The following CDK5RAP2 variants were observed in gnomAD, a reference collection of about 807,000 sequenced individuals.
CDK5RAP2 encodes CDK5 regulatory subunit associated protein 2, also known as CDK5 regulatory subunit-associated protein 2.
CDK5RAP2 carries 147 observed loss-of-function variants against 232.9 expected under a neutral mutation model. That is an observed-to-expected ratio of 0.63 (90% CI 0.55 to 0.72). The LOEUF (loss-of-function observed/expected upper bound fraction) is 0.72. Among genes scored for constraint, CDK5RAP2 ranks in the 30% least tolerant of loss-of-function variants. The pLI, the probability that CDK5RAP2 is intolerant of heterozygous loss-of-function variation, is 0.00. For synonymous variants in CDK5RAP2, 833 were observed against 833.7 expected, an observed-to-expected ratio of 1.00 and a Z score of 0.01; for missense variants, 2,195 against 2,231.5, an observed-to-expected ratio of 0.98 and a Z score of 0.33.
chr9:120,556,490 G>A (rs1017776922), intron 3 of CDK5RAP2, among the ~76,000 whole-genome samples: 1 of 151,268 alleles, frequency 6.6e-6, no homozygotes, highest in Non-Finnish European at 1.5e-5. Flanking sequence ...GTGCAGTGGT[G>A]CAATCTCAGC....
chr9:120,519,473 T>G (rs1053087066), intron 11 of CDK5RAP2, among the ~76,000 whole-genome samples: 2 of 151,602 alleles, frequency 1.3e-5, no homozygotes, highest in Non-Finnish European at 1.5e-5. Context: ...ACAAATAGAT[T>G]CGGGTATATG....
chr9:120,413,636 G>T (rs1246747439), intron 28 of CDK5RAP2, among the ~76,000 whole-genome samples: 1 of 152,228 alleles, frequency 6.6e-6, no homozygotes, highest in African/African-American at 2.4e-5. Flanking sequence ...TCTATAATTG[G>T]ATTTGCCAGG....
At chr9:120,543,726 C>CACATGCCTGTAATCCCAGCT in intron 5 of CDK5RAP2, among the ~76,000 whole-genome samples, 1 of 152,152 alleles carries the variant, frequency 6.6e-6, no homozygotes, top group South Asian at 2.1e-4. Flanking sequence ...AGCATGGCGG[C>CACATGCCTGTAATCCCAGCT]ACATGCCTGT....
rs1406450608 is a variant in CDK5RAP2, at chr9:120,572,056, A to G, written c.60-15T>C. On this transcript the variant is annotated splice_polypyrimidine_tract_variant and intron_variant, in intron 1 of 37. Transcript: ENST00000349780. ...GAACAAGGCCACTAGGAGAGAACACATGAGATAAGAGATGAGCTAATGTTT... is the reference window on the plus strand; with the variant it reads ...GAACAAGGCCACTAGGAGAGAACACGTGAGATAAGAGATGAGCTAATGTTT... 2 of 1,594,224 alleles carry G rather than the reference A, an allele frequency of 1.3e-6. No homozygotes were observed. Among genetic ancestry groups the G allele is most frequent in the Non-Finnish European group, 1.7e-6 (2 of 1,161,930 alleles).
At chr9:120,555,231 A>C (rs2042183743) in intron 3 of CDK5RAP2, among the ~76,000 whole-genome samples, 1 of 152,032 alleles carries the variant, frequency 6.6e-6, no homozygotes, top group East Asian at 1.9e-4. Flanking sequence ...TCCCCGGTTC[A>C]AGTGATTCTC....
chr9:120,570,172 G>A (rs1188221640), intron 2 of CDK5RAP2, among the ~76,000 whole-genome samples: 1 of 152,180 alleles, frequency 6.6e-6, no homozygotes, highest in Non-Finnish European at 1.5e-5. Flanking sequence ...GCAGAAAAGA[G>A]GCTAAGGAGT....
chr9:120,407,222 G>T lies in CDK5RAP2; in HGVS notation c.4753C>A (p.Gln1585Lys), dbSNP rs772613267. The change falls in exon 32 of 38, where the codon CAG (glutamine) becomes AAG (lysine). Residue 1585 changes from glutamine to lysine, a missense_variant. By Grantham distance (53) the Gln-to-Lys change is moderately conservative (BLOSUM62 1). Transcript: ENST00000349780. The part of the protein sequence containing the change: ...REASGEGWKG[Q>K]DPFRDLHSLL... The stretch of plus-strand genomic sequence containing the variant: ...CTGTGCAGGTCCCTGAAAGGATCCT[G>T]CCCCTTCCAGCCTTCTCCCGACGCC... 8 of 1,613,104 alleles carry T rather than the reference G, an allele frequency of 5.0e-6. No individual in the cohort carries two copies. In the East Asian group the frequency reaches 1.1e-4, roughly 22 times the overall value.
intron 18 of CDK5RAP2, among the ~76,000 whole-genome samples, chr9:120,463,779 G>A (rs180955372): frequency 8.9e-4 from 135 of 152,288 alleles, no homozygotes; most frequent in Non-Finnish European, 1.7e-3. Flanking sequence ...CTCTGCTGAC[G>A]TGGTCAAGAT....
chr9:120,458,397 T>C (rs2036901928), intron 20 of CDK5RAP2, 53 bp downstream of exon 20: 1 of 1,572,456 alleles, frequency 6.4e-7, no homozygotes, highest in African/African-American at 1.3e-5. Flanking sequence ...CAAAATGAGT[T>C]TGTTCTCCCC....
At chr9:120,408,982 A>T in intron 30 of CDK5RAP2, 145 bp downstream of exon 30, 1 of 749,452 alleles carries the variant, frequency 1.3e-6, no homozygotes, top group Non-Finnish European at 2.3e-6. Context: ...CATATGTTGT[A>T]GGCGCACCAG....
At chr9:120,520,675 C>A (rs1024645858) in intron 11 of CDK5RAP2, among the ~76,000 whole-genome samples, 2 of 151,100 alleles carry the variant, frequency 1.3e-5, no homozygotes, top group African/African-American at 2.4e-5. Context: ...TCTCATATAT[C>A]ACATATCATA....
At chr9:120,488,452 T>C (rs1482357639) in intron 13 of CDK5RAP2, among the ~76,000 whole-genome samples, 1 of 152,174 alleles carries the variant, frequency 6.6e-6, no homozygotes. Context: ...ACTACAGGCT[T>C]AAATGGAAAA....
intron 15 of CDK5RAP2, among the ~76,000 whole-genome samples, chr9:120,475,425 A>G (rs2037952383): frequency 6.6e-6 from 1 of 152,170 alleles, no homozygotes; most frequent in African/African-American, 2.4e-5. Context: ...GCCCCTCATG[A>G]AGCTGAGAAG....
chr9:120,446,110 T>A (rs761328983), intron 22 of CDK5RAP2, among the ~76,000 whole-genome samples: 1 of 152,324 alleles, frequency 6.6e-6, no homozygotes, highest in African/African-American at 2.4e-5. Flanking sequence ...AGAGTCTCTA[T>A]GGTAACTACT....
At chr9:120,532,561 C>T (rs2041200403) in intron 7 of CDK5RAP2, 2 of 152,360 alleles carry the variant, frequency 1.3e-5, no homozygotes, top group African/African-American at 2.4e-5. Flanking sequence ...TTTCTGCTAA[C>T]CATCTGACCT....
At chr9:120,457,206 T>C (rs1214002168) in intron 20 of CDK5RAP2, among the ~76,000 whole-genome samples, 1 of 152,130 alleles carries the variant, frequency 6.6e-6, no homozygotes, top group Non-Finnish European at 1.5e-5. Flanking sequence ...AGAGCAAAGA[T>C]GAGATTCCAG....
In CDK5RAP2 at chr9:120,469,950, C is replaced by T. The variant is rs1033601795; in HGVS notation, c.1968+161G>A. ...AGTTTATCAGACACGAGGGAAGGTA[C>T]TCCAGTTAACGGACACAGGAGGGGC... is the stretch of plus-strand genomic sequence containing the variant. On this transcript the variant is annotated intron_variant, in intron 17 of 37. Coordinates refer to ENST00000349780, the MANE Select transcript of CDK5RAP2 (RefSeq NM_018249.6). Among the ~76,000 whole-genome samples, 3 of 151,988 alleles carry T rather than the reference C, an allele frequency of 2.0e-5. No individual in the cohort carries two copies. The East Asian group carries it at 5.8e-4, about 29-fold the overall frequency.
chr9:120,564,505 T>TAAA lies in CDK5RAP2; in HGVS notation c.195+3813_195+3815dup, dbSNP rs201653334. 4.3e-3 allele frequency among the ~76,000 whole-genome samples: 624 copies of TAAA among 144,436 alleles called. 22 individuals carry two copies. Among genetic ancestry groups the TAAA allele is most frequent in the African/African-American group, 0.015 (595 of 38,624 alleles). 94.8% of individuals were successfully genotyped at this position (144,436 alleles called of 152,430 possible). A position where few individuals can be genotyped will look rare whatever the true frequency, so the allele number is the denominator to read the frequency against. ...ACTCTGTCTCAAAAAAATAAAAAAA[T>TAAA]AAAAAATCATACAACTATAAAAAGA... On this transcript the variant is annotated intron_variant, in intron 3 of 37. Coordinates refer to ENST00000349780, the MANE Select transcript of CDK5RAP2 (RefSeq NM_018249.6).
intron 4 of CDK5RAP2, among the ~76,000 whole-genome samples, chr9:120,547,714 A>G (rs2041901607): frequency 6.6e-6 from 1 of 152,206 alleles, no homozygotes; most frequent in South Asian, 2.1e-4. Flanking sequence ...AAGTACAGCC[A>G]TGACAGTAAG....
Sources: allele counts gnomAD v4.1 joint callset (sites outside exome capture counted in the v4.1 genomes callset), GRCh38; gene constraint gnomAD v4.1.1; transcripts MANE v1.5; gene names NCBI Gene and HGNC (gene_info 2026-07-23, HGNC 2026-07-21).